CNOT4: variants seen among roughly 807,000 people sequenced by gnomAD.
CNOT4 encodes CCR4-associated factor 4.
Under a neutral mutation model 73.8 loss-of-function variants are expected in CNOT4, and 8 were observed. That is an observed-to-expected ratio of 0.11 (90% CI 0.06 to 0.20). CNOT4 has a LOEUF of 0.20. CNOT4 is among the 10% of genes least tolerant of loss of function. CNOT4 has a pLI of 1.00. For missense variants in CNOT4, 564 were observed against 883.4 expected (o/e 0.64, Z 4.58); for synonymous variants, 293 against 321.1 (o/e 0.91, Z 0.94).
intron 1 of CNOT4, among the ~76,000 whole-genome samples, chr7:135,486,693 C>T (rs1000772674): frequency 6.6e-6 from 1 of 152,198 alleles, no homozygotes; most frequent in African/African-American, 2.4e-5. Flanking sequence ...GGTATACCCA[C>T]ACCACTGAAT....
chr7:135,503,474 A>G (rs1804139607), intron 1 of CNOT4, among the ~76,000 whole-genome samples: 1 of 152,092 alleles, frequency 6.6e-6, no homozygotes, highest in African/African-American at 2.4e-5. Context: ...AAAAGAAAAA[A>G]AGTTCTAGTA....
chr7:135,465,731 CAA>C (rs560717165), intron 1 of CNOT4, among the ~76,000 whole-genome samples: 1 of 142,684 alleles, frequency 7.0e-6, no homozygotes, highest in African/African-American at 2.6e-5. Flanking sequence ...GTGTGTTTAA[CAA>C]AAAAAAAAAA....
At chr7:135,424,052 C>G (rs746350730) in intron 2 of CNOT4, among the ~76,000 whole-genome samples, 6 of 58,398 alleles carry the variant, frequency 1.0e-4, no homozygotes, top group African/African-American at 3.4e-4. Context: ...CACACACACA[C>G]ACACACACAC....
At chr7:135,425,254 A>C (rs915200590) in intron 2 of CNOT4, among the ~76,000 whole-genome samples, 1 of 152,238 alleles carries the variant, frequency 6.6e-6, no homozygotes, top group African/African-American at 2.4e-5. Flanking sequence ...AACTGGCAGA[A>C]TGTGACAAAC....
chr7:135,386,684 A>G (rs1796138096), intron 10 of CNOT4: 1 of 152,220 alleles, frequency 6.6e-6, no homozygotes, highest in African/African-American at 2.4e-5. Context: ...TAGCCATTCT[A>G]TGCAAAAATT....
chr7:135,417,776 T>C (rs1797950065), intron 3 of CNOT4, among the ~76,000 whole-genome samples: 1 of 152,192 alleles, frequency 6.6e-6, no homozygotes. Flanking sequence ...TGGCACCTTC[T>C]TTCTCACCAC....
At chr7:135,419,541 A>G (rs1035299907) in intron 3 of CNOT4, among the ~76,000 whole-genome samples, 11 of 152,198 alleles carry the variant, frequency 7.2e-5, no homozygotes, top group Admixed American at 6.5e-4. Context: ...AAAGGAAAGC[A>G]CCCATTTATT....
intron 3 of CNOT4, among the ~76,000 whole-genome samples, chr7:135,421,535 C>A (rs1010235512): frequency 6.6e-6 from 1 of 152,128 alleles, no homozygotes; most frequent in African/African-American, 2.4e-5. Context: ...TCTAACAAGG[C>A]TTTTGGTGGA....
Position 135,393,901 on chromosome 7 carries a change from G to T in CNOT4, c.1627+17C>A, listed in dbSNP as rs1391634362. On this transcript the variant is annotated intron_variant, in intron 10 of 11. Coordinates refer to ENST00000541284, the MANE Select transcript of CNOT4 (RefSeq NM_001190850.2). ...ATGAGTTATTCAAAAATTCTCAAAG[G>T]TTTTAAATGAACCTACCTGCTACAG... The T allele has an allele frequency of 6.4e-7, 1 of 1,566,340 alleles. No individual in the cohort carries two copies.
At chr7:135,395,576 G>C in intron 9 of CNOT4, 58 bp downstream of exon 9, 1 of 1,528,752 alleles carries the variant, frequency 6.5e-7, no homozygotes, top group Non-Finnish European at 8.9e-7. Context: ...TTTCATGTTA[G>C]TCTGTCAACA....
chr7:135,387,274 T>G (rs536506749), intron 10 of CNOT4: 25 of 985,080 alleles, frequency 2.5e-5, no homozygotes, highest in Non-Finnish European at 2.7e-5. Flanking sequence ...TTTACAAAAA[T>G]AACTTAAATG....
At chr7:135,439,989 A>G (rs1032895234) in intron 1 of CNOT4, among the ~76,000 whole-genome samples, 1 of 148,544 alleles carries the variant, frequency 6.7e-6, no homozygotes, top group African/African-American at 2.5e-5. Flanking sequence ...AGTGTTAAAG[A>G]AAAAAAAAAC....
chr7:135,368,731 C>T (rs141319030), intron 10 of CNOT4, among the ~76,000 whole-genome samples: 19 of 152,268 alleles, frequency 1.2e-4, no homozygotes, highest in African/African-American at 4.6e-4. Flanking sequence ...AGTATTTCTG[C>T]ATAACACTGT....
chr7:135,462,552 G>A (rs1017261765), intron 1 of CNOT4, among the ~76,000 whole-genome samples: 4 of 152,190 alleles, frequency 2.6e-5, no homozygotes, highest in Non-Finnish European at 5.9e-5. Context: ...CAGGAAACTC[G>A]ATTCCTTCCT....
At chr7:135,478,027 ATC>A (rs1434168450) in intron 1 of CNOT4, among the ~76,000 whole-genome samples, 2 of 152,146 alleles carry the variant, frequency 1.3e-5, no homozygotes, top group East Asian at 1.9e-4. Flanking sequence ...ATGTGGTGTT[ATC>A]TGTTTATAAA....
At chr7:135,372,278 C>G (rs181860064) in intron 10 of CNOT4, among the ~76,000 whole-genome samples, 85 of 152,166 alleles carry the variant, frequency 5.6e-4, no homozygotes, top group African/African-American at 2.0e-3. Context: ...TAACAGAAAC[C>G]CTAGGAGGAC....
chr7:135,495,827 G>A (rs535297991), intron 1 of CNOT4, among the ~76,000 whole-genome samples: 2 of 151,858 alleles, frequency 1.3e-5, no homozygotes, highest in Admixed American at 6.6e-5. Context: ...CAGTGCTTTT[G>A]GGAGGCCAAG....
chr7:135,454,288 A>G (rs1800384989), intron 1 of CNOT4, among the ~76,000 whole-genome samples: 1 of 151,952 alleles, frequency 6.6e-6, no homozygotes, highest in South Asian at 2.1e-4. Flanking sequence ...CCTGTTTCCA[A>G]TAGAAAATGT....
chr7:135,372,553 A>ATTTTTT (rs1563010563), intron 10 of CNOT4, among the ~76,000 whole-genome samples: 3 of 132,744 alleles, frequency 2.3e-5, no homozygotes, highest in Non-Finnish European at 3.2e-5. Flanking sequence ...GTTTGCTACC[A>ATTTTTT]TGTTTTTTTT....
Sources: gnomAD v4.1 joint callset for allele counts (sites outside exome capture counted in the v4.1 genomes callset) on GRCh38, gnomAD v4.1.1 for gene constraint, MANE v1.5 for transcripts, NCBI Gene and HGNC (gene_info 2026-07-23, HGNC 2026-07-21) for gene names.